SPTLC2: variants seen among roughly 807,000 people sequenced by gnomAD.
SPTLC2 encodes serine palmitoyltransferase 2.
In SPTLC2, 21 loss-of-function variants were observed where a neutral mutation model predicts 62.0. The observed-to-expected ratio is 0.34, with a 90% CI of 0.24 to 0.49. The LOEUF (loss-of-function observed/expected upper bound fraction) is 0.49. Ranked by LOEUF, SPTLC2 falls within the 20% of genes least tolerant of loss-of-function variation. The probability of loss-of-function intolerance (pLI) is 0.99; values close to 1 mark genes in which losing one functional copy is unlikely to be tolerated. For missense variants in SPTLC2, 511 were observed against 713.0 expected (o/e 0.72, Z 3.23); for synonymous variants, 261 against 261.8 (o/e 1.00, Z 0.03).
At chr14:77,530,788 T>C (rs949090317) in intron 9 of SPTLC2, among the ~76,000 whole-genome samples, 2 of 152,076 alleles carry the variant, frequency 1.3e-5, no homozygotes, top group Non-Finnish European at 2.9e-5. Flanking sequence ...TTTCAAAGAC[T>C]GGACTTTGAA....
chr14:77,523,184 C>T (rs955892978), intron 9 of SPTLC2, among the ~76,000 whole-genome samples: 1 of 152,202 alleles, frequency 6.6e-6, no homozygotes, highest in African/African-American at 2.4e-5. Flanking sequence ...GCTTAATTTA[C>T]ATTTAGAAGA....
In SPTLC2 at chr14:77,511,476, TGA is replaced by T. The variant is rs963879718; in HGVS notation, c.*806_*807del. 3.3e-5 allele frequency: 5 copies of T among 152,706 alleles called. No homozygotes were observed. The highest frequency in any genetic ancestry group is 9.7e-5 in the African/African-American group (4 of 41,436). 9.5% of individuals were successfully genotyped at this position (152,706 alleles called of 1,614,324 possible). A position where few individuals can be genotyped will look rare whatever the true frequency, so the allele number is the denominator to read the frequency against. ...CAGCTTTGTACCCAACACTCAGATGTGAGAGTGGCCTTCTCACCAGGGTGGGA... is the reference window on the plus strand; with the variant it reads ...CAGCTTTGTACCCAACACTCAGATGTGAGTGGCCTTCTCACCAGGGTGGGA... On this transcript the variant is annotated 3_prime_UTR_variant, in exon 12 of 12. Coordinates refer to ENST00000216484, the MANE Select transcript of SPTLC2 (RefSeq NM_004863.4).
intron 2 of SPTLC2, among the ~76,000 whole-genome samples, chr14:77,588,996 CAAAAAAAAA>C (rs60536883): frequency 2.7e-5 from 2 of 74,628 alleles, no homozygotes; most frequent in African/African-American, 1.2e-4. Flanking sequence ...GACCTTGTCT[CAAAAAAAAA>C]AAAAAAAAAA....
chr14:77,583,199 C>CAATAAATAAATAAATAAATAAATA (rs58888587), intron 2 of SPTLC2, among the ~76,000 whole-genome samples: 2 of 132,484 alleles, frequency 1.5e-5, no homozygotes, highest in African/African-American at 2.8e-5. Flanking sequence ...AAAGCTGTCT[C>CAATAAATAAATAAATAAATAAATA]AATAAATAAA....
At chr14:77,516,546 T>TA (rs938595405) in intron 11 of SPTLC2, among the ~76,000 whole-genome samples, 3 of 151,734 alleles carry the variant, frequency 2.0e-5, no homozygotes, top group East Asian at 3.9e-4. Flanking sequence ...ATCTCTAGGT[T>TA]AAAAAAAATC....
intron 9 of SPTLC2, among the ~76,000 whole-genome samples, chr14:77,533,114 A>G (rs1219657117): frequency 6.6e-6 from 1 of 152,114 alleles, no homozygotes; most frequent in Non-Finnish European, 1.5e-5. Flanking sequence ...CTTGACCAAC[A>G]TGGTGAAACC....
At chr14:77,600,901 TG>T (rs2079873742) in intron 1 of SPTLC2, among the ~76,000 whole-genome samples, 1 of 152,202 alleles carries the variant, frequency 6.6e-6, no homozygotes, top group East Asian at 1.9e-4. Flanking sequence ...CACATGCCTG[TG>T]GGCTGTCAAC....
chr14:77,539,062 G>A (rs1227074138), intron 9 of SPTLC2, among the ~76,000 whole-genome samples: 1 of 151,558 alleles, frequency 6.6e-6, no homozygotes, highest in Non-Finnish European at 1.5e-5. Context: ...AAGAAAATGG[G>A]ATACTCCATT....
At chr14:77,530,316 TA>T (rs34614752) in intron 9 of SPTLC2, among the ~76,000 whole-genome samples, 59,901 of 148,622 alleles carry the variant, frequency 0.4, 12,302 homozygotes, top group Non-Finnish European at 0.46. Context: ...GGATCTTTTT[TA>T]AAAAAAAAAA....
chr14:77,551,179 G>T (rs911994247), intron 9 of SPTLC2, among the ~76,000 whole-genome samples: 6 of 152,004 alleles, frequency 3.9e-5, no homozygotes, highest in Non-Finnish European at 7.4e-5. Flanking sequence ...GGATCACGAG[G>T]TCAGGAGATC....
chr14:77,530,327 AATATT>A (rs1566770324), intron 9 of SPTLC2, among the ~76,000 whole-genome samples: 1 of 147,716 alleles, frequency 6.8e-6, no homozygotes, highest in African/African-American at 2.5e-5. Context: ...AAAAAAAAAA[AATATT>A]TATTTATTTA....
intron 1 of SPTLC2, among the ~76,000 whole-genome samples, chr14:77,598,735 C>A (rs918282728): frequency 1.1e-4 from 16 of 152,058 alleles, no homozygotes; most frequent in African/African-American, 3.9e-4. Flanking sequence ...AGTTTGAGAC[C>A]AGCCTGGGCA....
rs766768536 is a variant in SPTLC2, at chr14:77,506,264, C to T, written c.*6020G>A. On this transcript the variant is annotated 3_prime_UTR_variant, in exon 12 of 12. Coordinates refer to ENST00000216484, the MANE Select transcript of SPTLC2 (RefSeq NM_004863.4). ...TGTTTAAGCTTTTATTTACACATCC[C>T]CTTCTCTCAGTTTCCCAGGTTATAT... 11 of 152,176 alleles carry T rather than the reference C, an allele frequency of 7.2e-5. No individual in the cohort carries two copies. The highest frequency in any genetic ancestry group is 1.6e-4 in the Non-Finnish European group (11 of 68,028). 9.4% of individuals were successfully genotyped at this position (152,176 alleles called of 1,614,324 possible).
intron 9 of SPTLC2, among the ~76,000 whole-genome samples, chr14:77,528,482 C>T (rs759992940): frequency 1.3e-5 from 2 of 152,142 alleles, no homozygotes; most frequent in African/African-American, 2.4e-5. Flanking sequence ...CTGCCCGCCT[C>T]GGCCTCCCAA....
intron 9 of SPTLC2, among the ~76,000 whole-genome samples, chr14:77,524,291 G>C (rs1316089845): frequency 2.0e-5 from 3 of 152,090 alleles, no homozygotes; most frequent in East Asian, 1.9e-4. Flanking sequence ...AGGGGCAGAA[G>C]GGAACTTCCA....
intron 2 of SPTLC2, among the ~76,000 whole-genome samples, chr14:77,592,136 C>A (rs1023941514): frequency 2.7e-5 from 4 of 150,400 alleles, no homozygotes; most frequent in African/African-American, 9.8e-5. Context: ...ATTCTTAGTA[C>A]GCTACTTTTT....
intron 2 of SPTLC2, among the ~76,000 whole-genome samples, chr14:77,585,072 G>A (rs1312241848): frequency 1.3e-5 from 2 of 152,240 alleles, no homozygotes; most frequent in African/African-American, 4.8e-5. Context: ...CACGGCAGGA[G>A]CAGTTTCCTA....
intron 2 of SPTLC2, among the ~76,000 whole-genome samples, chr14:77,585,917 T>A (rs980191562): frequency 1.3e-5 from 2 of 152,140 alleles, no homozygotes; most frequent in African/African-American, 4.8e-5. Context: ...AAAAGGAGCA[T>A]AGCCCTAAAC....
chr14:77,605,345 A>G (rs2079899741), intron 1 of SPTLC2, among the ~76,000 whole-genome samples: 1 of 152,182 alleles, frequency 6.6e-6, no homozygotes. Flanking sequence ...TGTTTGTGGC[A>G]ACAAAAATTC....
Sources: allele counts gnomAD v4.1 joint callset (sites outside exome capture counted in the v4.1 genomes callset), GRCh38; gene constraint gnomAD v4.1.1; transcripts MANE v1.5; gene names NCBI Gene and HGNC (gene_info 2026-07-23, HGNC 2026-07-21).